The following FIGN variants were observed in gnomAD, a reference collection of about 807,000 sequenced individuals.
FIGN encodes fidgetin.
In FIGN, 11 loss-of-function variants were observed where a neutral mutation model predicts 51.3. That is an observed-to-expected ratio of 0.21 (90% confidence interval 0.13 to 0.35). The LOEUF (loss-of-function observed/expected upper bound fraction) is 0.35, where lower values mean the gene tolerates loss of function less well. Ranked by LOEUF, FIGN falls within the 10% of genes least tolerant of loss-of-function variation. The probability of loss-of-function intolerance (pLI) is 1.00; values close to 1 mark genes in which losing one functional copy is unlikely to be tolerated. For synonymous variants in FIGN, 407 were observed against 363.2 expected, an observed-to-expected ratio of 1.12 and a Z score of -1.37; for missense variants, 857 against 943.6, an observed-to-expected ratio of 0.91 and a Z score of 1.20.
intron 2 of FIGN, among the ~76,000 whole-genome samples, chr2:163,656,560 G>A (rs926506835): frequency 4.6e-5 from 7 of 152,092 alleles, no homozygotes; most frequent in Admixed American, 6.6e-5. Flanking sequence ...TGCCTGAGAA[G>A]ATTAGATTGC....
chr2:163,672,202 G>A (rs1683887345), intron 2 of FIGN, among the ~76,000 whole-genome samples: 2 of 146,524 alleles, frequency 1.4e-5, no homozygotes, highest in East Asian at 2.1e-4. Context: ...TCACAATGTA[G>A]AATTAGAAAA....
At chr2:163,715,018 A>G (rs918817809) in intron 2 of FIGN, among the ~76,000 whole-genome samples, 6 of 152,220 alleles carry the variant, frequency 3.9e-5, no homozygotes, top group African/African-American at 9.6e-5. Flanking sequence ...CCTTTCAACC[A>G]AACAACAATA....
intron 2 of FIGN, among the ~76,000 whole-genome samples, chr2:163,659,829 G>A (rs1227774080): frequency 6.6e-6 from 1 of 152,226 alleles, no homozygotes; most frequent in Non-Finnish European, 1.5e-5. Flanking sequence ...GAGGCCAGGT[G>A]TGGTGGCTTA....
intron 2 of FIGN, among the ~76,000 whole-genome samples, chr2:163,644,645 T>C (rs1348422756): frequency 2.0e-5 from 3 of 152,124 alleles, no homozygotes; most frequent in Admixed American, 6.5e-5. Flanking sequence ...CACAGCAGCA[T>C]TATTCACAAT....
At position 163,610,872 on chromosome 2, in the gene FIGN, A is replaced by G. The variant is rs1320950190; in HGVS notation, c.960T>C (p.Ala320=). 6.2e-7 allele frequency: 1 copy of G among 1,613,522 alleles called. No homozygotes were observed. Among genetic ancestry groups the G allele is most frequent in the Non-Finnish European group, 8.5e-7 (1 of 1,179,872 alleles). The part of the protein sequence containing the change: ...NSSASSLKRK[A]FYMAGQGDMD... ...TATCTCCTTGCCCTGCCATGTAGAA[A>G]GCTTTCCTTTTGAGAGAACTTGCTG... is the stretch of plus-strand genomic sequence containing the variant. Residue 320 remains alanine (A), a synonymous_variant, in exon 3 of 3, where the codon GCT becomes GCC. Coordinates refer to ENST00000333129, the MANE Select transcript of FIGN (RefSeq NM_018086.4).
At chr2:163,690,553 A>G (rs957467333) in intron 2 of FIGN, among the ~76,000 whole-genome samples, 5 of 152,262 alleles carry the variant, frequency 3.3e-5, no homozygotes, top group East Asian at 1.9e-4. Flanking sequence ...TATATAATGC[A>G]TTGGCATTTA....
At chr2:163,700,197 T>G (rs917572586) in intron 2 of FIGN, among the ~76,000 whole-genome samples, 36 of 152,282 alleles carry the variant, frequency 2.4e-4, no homozygotes, top group African/African-American at 8.4e-4. Context: ...TGGAGGAACA[T>G]TTTTTGTTCT....
In FIGN at chr2:163,609,547, A is replaced by T; in HGVS notation, c.*5T>A. The T allele has an allele frequency of 6.3e-7, 1 of 1,599,480 alleles. No homozygotes were observed. Among genetic ancestry groups the T allele is most frequent in the Admixed American group, 1.7e-5 (1 of 58,550 alleles). The stretch of plus-strand genomic sequence containing the variant: ...TCATTACATTTTTTTTTTCTAAAGA[A>T]GTTATCACTGACTGCAACCAAACAT... On this transcript the variant is annotated 3_prime_UTR_variant, in exon 3 of 3. Coordinates refer to ENST00000333129, the MANE Select transcript of FIGN (RefSeq NM_018086.4).
At chr2:163,683,609 T>C (rs1684099374) in intron 2 of FIGN, among the ~76,000 whole-genome samples, 1 of 152,094 alleles carries the variant, frequency 6.6e-6, no homozygotes, top group South Asian at 2.1e-4. Flanking sequence ...CAGATAGATA[T>C]GGGAAGTAGA....
chr2:163,681,635 C>T (rs994495050), intron 2 of FIGN, among the ~76,000 whole-genome samples: 1 of 152,058 alleles, frequency 6.6e-6, no homozygotes, highest in East Asian at 1.9e-4. Context: ...TTTTGAAGCA[C>T]GATGAAGGGC....
chr2:163,662,005 T>C (rs931691125), intron 2 of FIGN, among the ~76,000 whole-genome samples: 2 of 152,182 alleles, frequency 1.3e-5, no homozygotes, highest in Non-Finnish European at 2.9e-5. Flanking sequence ...CCTGAAAATG[T>C]GGAAGTGACT....
At chr2:163,668,885 G>C (rs1683828219) in intron 2 of FIGN, among the ~76,000 whole-genome samples, 1 of 151,946 alleles carries the variant, frequency 6.6e-6, no homozygotes, top group Non-Finnish European at 1.5e-5. Context: ...AGCTTGCAGT[G>C]AGCAGAGATC....
intron 2 of FIGN, among the ~76,000 whole-genome samples, chr2:163,727,397 A>T (rs935934532): frequency 7.0e-6 from 1 of 143,558 alleles, no homozygotes; most frequent in Non-Finnish European, 1.5e-5. Context: ...AAAAAAAAAA[A>T]TATTCCTAAA....
chr2:163,698,318 C>T (rs1684355315), intron 2 of FIGN, among the ~76,000 whole-genome samples: 1 of 152,090 alleles, frequency 6.6e-6, no homozygotes, highest in African/African-American at 2.4e-5. Flanking sequence ...GGATAGCAAA[C>T]TAGGGAAAGA....
chr2:163,607,115 G>A lies in FIGN; in HGVS notation c.*2437C>T, dbSNP rs914644666. On this transcript the variant is annotated 3_prime_UTR_variant, in exon 3 of 3. Coordinates refer to ENST00000333129, the MANE Select transcript of FIGN (RefSeq NM_018086.4). ...CAAAACTTGCCAGACGCTTTCAAGTGAACACAGCATGTTGGCGGAAATGAA... is the reference window on the plus strand; with the variant it reads ...CAAAACTTGCCAGACGCTTTCAAGTAAACACAGCATGTTGGCGGAAATGAA... The A allele has an allele frequency of 3.3e-5, 5 of 152,166 alleles. No individual in the cohort carries two copies. The highest frequency in any genetic ancestry group is 1.2e-4 in the African/African-American group (5 of 41,448). The allele number at this position is 152,166 out of a possible 1,614,324, so 9.4% of individuals were successfully genotyped here. A position where few individuals can be genotyped will look rare whatever the true frequency, so the allele number is the denominator to read the frequency against.
intron 2 of FIGN, among the ~76,000 whole-genome samples, chr2:163,727,190 T>C (rs767618905): frequency 3.3e-5 from 5 of 152,064 alleles, no homozygotes; most frequent in Non-Finnish European, 5.9e-5. Context: ...TTACCCAGAT[T>C]CCTAGTTTAA....
At chr2:163,704,654 T>TCA (rs1231822768) in intron 2 of FIGN, among the ~76,000 whole-genome samples, 1 of 131,972 alleles carries the variant, frequency 7.6e-6, no homozygotes, top group African/African-American at 3.1e-5. Flanking sequence ...TCTCTCTCTC[T>TCA]CTCACACACA....
intron 2 of FIGN, among the ~76,000 whole-genome samples, chr2:163,657,500 CTGTGTGTGTGTG>C (rs72033079): frequency 6.1e-5 from 9 of 147,424 alleles, no homozygotes; most frequent in African/African-American, 2.0e-4. Context: ...CAGAGGGAGT[CTGTGTGTGTGTG>C]TGTGTGTGTG....
At chr2:163,696,834 ATTT>A (rs773678447) in intron 2 of FIGN, among the ~76,000 whole-genome samples, 1 of 135,688 alleles carries the variant, frequency 7.4e-6, no homozygotes, top group Non-Finnish European at 1.6e-5. Context: ...TGTCTGGCTA[ATTT>A]TTTTTTTTTT....
Sources: gnomAD v4.1 joint callset for allele counts (sites outside exome capture counted in the v4.1 genomes callset) on GRCh38, gnomAD v4.1.1 for gene constraint, MANE v1.5 for transcripts, NCBI Gene and HGNC (gene_info 2026-07-23, HGNC 2026-07-21) for gene names.